The following PHF24 variants were observed in gnomAD, a reference collection of about 807,000 sequenced individuals.
The protein encoded by PHF24 is Galpha inhibitory interacting protein.
A neutral mutation model predicts 42.6 loss-of-function variants in PHF24; 25 were observed. That is an observed-to-expected ratio of 0.59 (90% CI 0.43 to 0.82). The LOEUF is 0.82. Among genes scored for constraint, PHF24 ranks in the 40% least tolerant of loss-of-function variants. The pLI is 0.00. For synonymous variants in PHF24, 185 were observed against 204.8 expected (o/e 0.90, Z 0.83); for missense variants, 470 against 538.1 (o/e 0.87, Z 1.25).
chr9:34,709,208 C>A, the PHF24 span: 1 of 733,686 alleles, frequency 1.4e-6, no homozygotes, highest in Non-Finnish European at 2.3e-6. Flanking sequence ...GTGGGCAGCT[C>A]AGCCATGCAG....
chr9:34,837,881 G>T, the PHF24 span, among the ~76,000 whole-genome samples: 1 of 151,940 alleles, frequency 6.6e-6, no homozygotes, highest in Admixed American at 6.6e-5. Flanking sequence ...GCTTATTTCG[G>T]ATTCACTTGG....
At chr9:34,718,604 T>C in the PHF24 span, among the ~76,000 whole-genome samples, 2 of 152,174 alleles carry the variant, frequency 1.3e-5, no homozygotes, top group South Asian at 4.1e-4. Context: ...AGAGGCCAGG[T>C]AGAGTATTCA....
chr9:34,733,700 C>T, the PHF24 span, among the ~76,000 whole-genome samples: 1 of 151,930 alleles, frequency 6.6e-6, no homozygotes, highest in Non-Finnish European at 1.5e-5. Flanking sequence ...ATGGGGGTCT[C>T]CTGTGTTGTC....
chr9:34,690,480 C>A, the PHF24 span: 2 of 741,734 alleles, frequency 2.7e-6, no homozygotes, highest in Non-Finnish European at 4.3e-6. Flanking sequence ...CTGGTGGGGT[C>A]GGGGAGGAGT....
chr9:34,745,635 TG>T, the PHF24 span, among the ~76,000 whole-genome samples: 585 of 149,524 alleles, frequency 3.9e-3, 21 homozygotes, highest in Admixed American at 0.036. Flanking sequence ...TTATTTATTA[TG>T]GGGGGTAAAG....
the PHF24 span, among the ~76,000 whole-genome samples, chr9:34,839,601 G>A: frequency 6.6e-6 from 1 of 152,092 alleles, no homozygotes; most frequent in African/African-American, 2.4e-5. Context: ...AAAAATTCTT[G>A]GGCTCGAAAT....
At chr9:34,726,755 T>C in the PHF24 span, 4 of 1,551,606 alleles carry the variant, frequency 2.6e-6, no homozygotes, top group South Asian at 4.8e-5. Flanking sequence ...CAGTGAAAGC[T>C]CTCTGGTGTG....
At chr9:34,804,765 C>A in the PHF24 span, among the ~76,000 whole-genome samples, 1 of 152,250 alleles carries the variant, frequency 6.6e-6, no homozygotes, top group Non-Finnish European at 1.5e-5. Flanking sequence ...ATAAAGTAGA[C>A]AATTCAGTGG....
the PHF24 span, among the ~76,000 whole-genome samples, chr9:34,685,363 G>A: frequency 6.6e-6 from 1 of 152,186 alleles, no homozygotes; most frequent in African/African-American, 2.4e-5. Flanking sequence ...TGAGGCCTGA[G>A]TAAACTCCCT....
the PHF24 span, among the ~76,000 whole-genome samples, chr9:34,865,936 A>G: frequency 6.6e-6 from 1 of 152,236 alleles, no homozygotes; most frequent in Non-Finnish European, 1.5e-5. Context: ...ACACAAGGCA[A>G]TAGAAAGTCA....
Position 34,970,321 on chromosome 9 carries a change from T to C in PHF24, c.-4-974T>C, listed in dbSNP as rs963594528. On this transcript the variant is annotated intron_variant, in intron 1 of 7. Transcript: ENST00000242315. ...ACCTGTAAAGGATATGGACCTTTCTTGAACAGTTCAGAAGAATTAAAGCAG... is the reference window on the plus strand; with the variant it reads ...ACCTGTAAAGGATATGGACCTTTCTCGAACAGTTCAGAAGAATTAAAGCAG... Among the ~76,000 whole-genome samples, 11 of 152,156 alleles carry C rather than the reference T, an allele frequency of 7.2e-5. No individual in the cohort carries two copies. The South Asian group carries it at 1.0e-3, about 14-fold the overall frequency.
chr9:34,956,111 A>T, upstream of PHF24, among the ~76,000 whole-genome samples: 1 of 151,216 alleles, frequency 6.6e-6, no homozygotes, highest in Non-Finnish European at 1.5e-5. Flanking sequence ...GCGCACACTG[A>T]TTTTCTCTTT....
chr9:34,766,346 C>T, the PHF24 span, among the ~76,000 whole-genome samples: 1 of 152,218 alleles, frequency 6.6e-6, no homozygotes, highest in African/African-American at 2.4e-5. Context: ...ACCAATCAGA[C>T]ATAGATTTGG....
chr9:34,675,013 C>T, the PHF24 span, among the ~76,000 whole-genome samples: 3 of 152,244 alleles, frequency 2.0e-5, no homozygotes, highest in South Asian at 6.2e-4. Flanking sequence ...CGTGCCACTA[C>T]ACCCCACTAA....
intron 3 of PHF24, among the ~76,000 whole-genome samples, chr9:34,974,540 T>C (rs1395563755): frequency 1.3e-5 from 2 of 152,278 alleles, no homozygotes; most frequent in East Asian, 1.9e-4. Flanking sequence ...TACCTTCTTC[T>C]CTACTGATGC....
At chr9:34,822,393 A>G in the PHF24 span, among the ~76,000 whole-genome samples, 1 of 152,214 alleles carries the variant, frequency 6.6e-6, no homozygotes, top group Non-Finnish European at 1.5e-5. Context: ...TCTTTTTAAA[A>G]TAGAGATAGA....
the PHF24 span, among the ~76,000 whole-genome samples, chr9:34,935,752 T>G: frequency 6.6e-6 from 1 of 151,526 alleles, no homozygotes; most frequent in African/African-American, 2.4e-5. Flanking sequence ...GGGGTGTGTG[T>G]GTGTGTGTGT....
At chr9:34,832,656 T>C in the PHF24 span, 3 of 1,539,094 alleles carry the variant, frequency 1.9e-6, no homozygotes, top group Non-Finnish European at 2.6e-6. Flanking sequence ...CAGAAAACAT[T>C]TAATTTTATT....
chr9:34,711,527 C>T, the PHF24 span, among the ~76,000 whole-genome samples: 1 of 149,380 alleles, frequency 6.7e-6, no homozygotes, highest in African/African-American at 2.5e-5. Flanking sequence ...ACCAGCATAC[C>T]TGGCAATGTT....
Sources: gnomAD v4.1 joint callset for allele counts (sites outside exome capture counted in the v4.1 genomes callset) on GRCh38, gnomAD v4.1.1 for gene constraint, MANE v1.5 for transcripts, NCBI Gene and HGNC (gene_info 2026-07-23, HGNC 2026-07-21) for gene names.